The following MAPK8IP3 variants were observed in gnomAD, a reference collection of about 807,000 sequenced individuals.
MAPK8IP3 encodes mitogen-activated protein kinase 8 interacting protein 3, also known as C-Jun-amino-terminal kinase-interacting protein 3.
In MAPK8IP3, 49 loss-of-function variants were observed where a neutral mutation model predicts 157.8. The ratio of observed to expected loss-of-function variants is 0.31; its 90% CI spans 0.25 to 0.39. The LOEUF (loss-of-function observed/expected upper bound fraction) is 0.39. Among genes scored for constraint, MAPK8IP3 ranks in the 10% least tolerant of loss-of-function variants. MAPK8IP3 has a pLI of 1.00. For synonymous variants in MAPK8IP3, 897 were observed against 777.7 expected (o/e 1.15, Z -2.55); for missense variants, 1,478 against 1,889.4 (o/e 0.78, Z 4.04).
At chr16:1,717,235 C>CAAAAA (rs1169533483) in intron 1 of MAPK8IP3, among the ~76,000 whole-genome samples, 1 of 60,392 alleles carries the variant, frequency 1.7e-5, no homozygotes, top group Non-Finnish European at 4.0e-5. Flanking sequence ...AACTCCATCT[C>CAAAAA]AAAAAAAAAA....
At chr16:1,707,577 G>C (rs1039946875) in intron 1 of MAPK8IP3, 1 of 152,240 alleles carries the variant, frequency 6.6e-6, no homozygotes, top group African/African-American at 2.4e-5. Flanking sequence ...TTCATTCACC[G>C]TCAGATACTG....
At chr16:1,748,188 G>A (rs1365117632) in intron 6 of MAPK8IP3, 56 bp from the exon 7 acceptor site, 1 of 1,353,934 alleles carries the variant, frequency 7.4e-7, no homozygotes, top group Admixed American at 1.7e-5. Context: ...GCCGTGAGCA[G>A]GGCAGAGGCT....
At position 1,743,673 on chromosome 16, in the gene MAPK8IP3, G is replaced by A. The variant is rs1431839236; in HGVS notation, c.747+197G>A. On this transcript the variant is annotated intron_variant, in intron 5 of 31. Transcript: ENST00000610761. This position sits in a 1 kb window ranked among gnomAD's most constrained non-coding sequence, Gnocchi z 5.6. The stretch of plus-strand genomic sequence containing the variant: ...GCTGCCCAGCAGGCCCTGTGTGGCT[G>A]TGGCTGTTCCACGCGGCCTCGTGTC... The A allele has an allele frequency of 7.1e-7, 1 of 1,416,524 alleles. No individual in the cohort carries two copies. Among genetic ancestry groups the A allele is most frequent in the African/African-American group, 1.5e-5 (1 of 67,472 alleles). The allele number at this position is 1,416,524 out of a possible 1,614,324, so 87.7% of individuals were successfully genotyped here.
chr16:1,742,244 G>A lies in MAPK8IP3; in HGVS notation c.603-1088G>A, dbSNP rs1025521055. On this transcript the variant is annotated intron_variant, in intron 4 of 31. Coordinates refer to ENST00000610761, the MANE Select transcript of MAPK8IP3 (RefSeq NM_001318852.2). The surrounding 1 kb of genome is among the most constrained non-coding windows in gnomAD (Gnocchi z 5.0). The stretch of plus-strand genomic sequence containing the variant: ...TTGACTGGAAACCTCCCGCGGAGGA[G>A]GACGTAAAGGGAGACCTTGGGCTCC... Among the ~76,000 whole-genome samples the A allele has an allele frequency of 1.3e-5, 2 of 152,180 alleles. No individual in the cohort carries two copies. The highest frequency in any genetic ancestry group is 4.8e-5 in the African/African-American group (2 of 41,440).
At chr16:1,766,853 G>C (rs1276126387) in intron 24 of MAPK8IP3, 50 bp downstream of exon 24, 1 of 1,611,880 alleles carries the variant, frequency 6.2e-7, no homozygotes, top group Non-Finnish European at 8.5e-7. Flanking sequence ...ACGGGGCGGA[G>C]GGGGCTGGCA....
chr16:1,732,465 CTG>C (rs1051120073), intron 4 of MAPK8IP3, among the ~76,000 whole-genome samples: 23 of 152,264 alleles, frequency 1.5e-4, no homozygotes, highest in Non-Finnish European at 3.2e-4. Flanking sequence ...TTCCGAGTCT[CTG>C]GACGTGAGAG....
chr16:1,768,842 G>A lies in MAPK8IP3; in HGVS notation c.*18G>A, dbSNP rs1450168833. The A allele has an allele frequency of 1.2e-6, 2 of 1,610,636 alleles. No individual in the cohort carries two copies. Among genetic ancestry groups the A allele is most frequent in the Admixed American group, 1.7e-5 (1 of 59,966 alleles). On this transcript the variant is annotated 3_prime_UTR_variant, in exon 32 of 32. Coordinates refer to ENST00000610761, the MANE Select transcript of MAPK8IP3 (RefSeq NM_001318852.2). ...CCGAGTGAAGCTGCTGCCCTGCCTG[G>A]CCCGACCTGTACATAGGACCCCCGA...
chr16:1,765,864 C>T, intron 20 of MAPK8IP3, 96 bp from the exon 21 acceptor site: 2 of 1,186,278 alleles, frequency 1.7e-6, no homozygotes, highest in Non-Finnish European at 2.4e-6. Context: ...AAGTGGAAGG[C>T]CAGCCCCGGC....
chr16:1,707,372 C>T (rs1421290986), intron 1 of MAPK8IP3: 1 of 152,234 alleles, frequency 6.6e-6, no homozygotes, highest in Non-Finnish European at 1.5e-5. Context: ...TGTCTTTGCC[C>T]CCTTGGTTCC....
At chr16:1,735,567 A>G (rs538395288) in intron 4 of MAPK8IP3, among the ~76,000 whole-genome samples, 32 of 124,436 alleles carry the variant, frequency 2.6e-4, no homozygotes, top group Admixed American at 1.5e-3. Context: ...GTGACCGTCC[A>G]TGTGAGAGTC....
rs2040676766 is a variant in MAPK8IP3 at position 1,741,481 on chromosome 16, C to T, written c.603-1851C>T. 6.6e-6 allele frequency among the ~76,000 whole-genome samples: 1 copy of T among 152,140 alleles called. No individual in the cohort carries two copies. The highest frequency in any genetic ancestry group is 1.5e-5 in the Non-Finnish European group (1 of 68,006). ...TTGGCCTCCTGGGAGACCAGAGGCC[C>T]CTCTGACCCTGCTGTCCCCTGTAGC... On this transcript the variant is annotated intron_variant, in intron 4 of 31. Transcript: ENST00000610761. This position sits in a 1 kb window ranked among gnomAD's most constrained non-coding sequence, Gnocchi z 6.9.
At chr16:1,731,852 G>A (rs1270705156) in intron 4 of MAPK8IP3, among the ~76,000 whole-genome samples, 2 of 152,130 alleles carry the variant, frequency 1.3e-5, no homozygotes, top group East Asian at 1.9e-4. Context: ...GGACTTTCTA[G>A]AACATACTGC....
chr16:1,737,319 T>A (rs1414981103), intron 4 of MAPK8IP3, among the ~76,000 whole-genome samples: 1 of 99,248 alleles, frequency 1.0e-5, no homozygotes, highest in Non-Finnish European at 1.9e-5. Context: ...TGTGTGACCG[T>A]CCGTGTGAGC....
At chr16:1,753,216 C>T (rs2041394514) in intron 8 of MAPK8IP3, among the ~76,000 whole-genome samples, 1 of 152,172 alleles carries the variant, frequency 6.6e-6, no homozygotes, top group East Asian at 1.9e-4. Flanking sequence ...TAAAAAGAGC[C>T]CAGGTCGGGC....
chr16:1,747,532 C>T (rs945352974), intron 6 of MAPK8IP3, among the ~76,000 whole-genome samples: 8 of 152,226 alleles, frequency 5.3e-5, no homozygotes, highest in African/African-American at 1.9e-4. Flanking sequence ...TCATCTCCAG[C>T]TCCTACAAGG....
At position 1,743,732 on chromosome 16, in the gene MAPK8IP3, C is replaced by T; in HGVS notation, c.747+256C>T. On this transcript the variant is annotated intron_variant, in intron 5 of 31. Transcript: ENST00000610761. The surrounding 1 kb of genome is among the most constrained non-coding windows in gnomAD (Gnocchi z 5.6). ...CTAGTCCAGGCTAGACCTCCCTGCC[C>T]TTGGATAGACCGCTCTGTAGCCAGG... The T allele has an allele frequency of 2.9e-6, 4 of 1,368,592 alleles. No homozygotes were observed. The highest frequency in any genetic ancestry group is 3.7e-6 in the Non-Finnish European group (4 of 1,068,076). 84.8% of individuals were successfully genotyped at this position (1,368,592 alleles called of 1,614,324 possible). A position where few individuals can be genotyped will look rare whatever the true frequency, so the allele number is the denominator to read the frequency against.
Position 1,766,032 on chromosome 16 carries a change from C to T in MAPK8IP3, c.2519C>T (p.Ala840Val). The change falls in exon 21 of 32, where the codon GCA becomes GTA. Residue 840 changes from alanine to valine, a missense_variant. Coordinates refer to ENST00000610761, the MANE Select transcript of MAPK8IP3 (RefSeq NM_001318852.2). ...GACGTGAACCCAGAGGACCCGGGCG[C>T]AGATGGCGTGCTGGCCGGTATCACC... ...DSDVNPEDPG[A>V]DGVLAGITLV... The T allele has an allele frequency of 6.2e-7, 1 of 1,612,862 alleles. No homozygotes were observed. The highest frequency in any genetic ancestry group is 8.5e-7 in the Non-Finnish European group (1 of 1,179,964).
rs1302206613 is a variant in MAPK8IP3, at chr16:1,724,447, T to C, written c.319-110T>C. ...CTGGCCATGGGCCAGCTTGTGGCCC[T>C]GGGGACATCTTTGGCCCCTGGGCCC... is the stretch of plus-strand genomic sequence containing the variant. On this transcript the variant is annotated intron_variant, in intron 1 of 31. Coordinates refer to ENST00000610761, the MANE Select transcript of MAPK8IP3 (RefSeq NM_001318852.2). The surrounding 1 kb of genome is among the most constrained non-coding windows in gnomAD (Gnocchi z 4.1). 7.7e-6 allele frequency: 11 copies of C among 1,424,430 alleles called. No individual in the cohort carries two copies. The highest frequency in any genetic ancestry group is 8.5e-6 in the Non-Finnish European group (9 of 1,056,610). 88.2% of individuals were successfully genotyped at this position (1,424,430 alleles called of 1,614,324 possible).
Position 1,710,854 on chromosome 16 carries a change from G to A in MAPK8IP3, c.318+4197G>A, listed in dbSNP as rs989462599. On this transcript the variant is annotated intron_variant, in intron 1 of 31. Coordinates refer to ENST00000610761, the MANE Select transcript of MAPK8IP3 (RefSeq NM_001318852.2). This position sits in a 1 kb window ranked among gnomAD's most constrained non-coding sequence, Gnocchi z 4.1. ...CTGCCTTTCCTAGGTGCCTCTGAAA[G>A]CTGGCCTGGTGTAGCTGTACCACTC... Among the ~76,000 whole-genome samples the A allele has an allele frequency of 6.6e-6, 1 of 152,230 alleles. No individual in the cohort carries two copies. The highest frequency in any genetic ancestry group is 1.5e-5 in the Non-Finnish European group (1 of 68,042).
Sources: allele counts gnomAD v4.1 joint callset (sites outside exome capture counted in the v4.1 genomes callset), GRCh38; gene constraint gnomAD v4.1.1; non-coding constraint Gnocchi (gnomAD v3.1); transcripts MANE v1.5; gene names NCBI Gene and HGNC (gene_info 2026-07-23, HGNC 2026-07-21).